Variants in NOS1AP observed in about 807,000 individuals in gnomAD.
NOS1AP encodes the protein carboxyl-terminal PDZ ligand of neuronal nitric oxide synthase protein.
In NOS1AP, 21 loss-of-function variants were observed where a neutral mutation model predicts 56.2. The ratio of observed to expected loss-of-function variants is 0.37; its 90% CI spans 0.26 to 0.54. The LOEUF (loss-of-function observed/expected upper bound fraction) is 0.54, where lower values mean the gene tolerates loss of function less well. Ranked by LOEUF, NOS1AP falls within the 20% of genes least tolerant of loss-of-function variation. The pLI, the probability that NOS1AP is intolerant of heterozygous loss-of-function variation, is 0.84. For missense variants in NOS1AP, 522 were observed against 657.8 expected (o/e 0.79, Z 2.26); for synonymous variants, 270 against 274.6 (o/e 0.98, Z 0.17).
chr1:162,224,907 A>G (rs186306818), intron 2 of NOS1AP, among the ~76,000 whole-genome samples: 1 of 152,330 alleles, frequency 6.6e-6, no homozygotes, highest in East Asian at 1.9e-4. Flanking sequence ...TGAGCAACTC[A>G]GCCAGTAAAA....
At chr1:162,300,735 T>C in intron 4 of NOS1AP, 29 bp downstream of exon 4, 1 of 1,606,150 alleles carries the variant, frequency 6.2e-7, no homozygotes, top group South Asian at 1.1e-5. Flanking sequence ...ACCCAAGATA[T>C]CACTGAGCCC....
At chr1:162,271,997 A>T (rs968874010) in intron 2 of NOS1AP, among the ~76,000 whole-genome samples, 3 of 151,956 alleles carry the variant, frequency 2.0e-5, no homozygotes, top group African/African-American at 7.3e-5. Context: ...CTCCCACCTC[A>T]GCCTCCTGAG....
intron 2 of NOS1AP, among the ~76,000 whole-genome samples, chr1:162,191,202 C>G (rs1167234269): frequency 1.3e-5 from 2 of 152,162 alleles, no homozygotes; most frequent in Non-Finnish European, 2.9e-5. Context: ...CAGTGTGCCC[C>G]ATACCACGGG....
chr1:162,367,298 G>A lies in NOS1AP; in HGVS notation c.1352G>A (p.Gly451Asp). ...PPAQGEALLG[G>D]LELIKFRESG... ...GCGCAGGGCGAGGCGCTCCTGGGCG[G>A]TCTGGAGCTCATCAAGTTCCGAGAG... is the stretch of plus-strand genomic sequence containing the variant. The change falls in exon 10 of 10, where the codon GGT becomes GAT. Residue 451 changes from glycine to aspartate, a missense_variant. Around this residue, in one of 4 missense-constraint regions of NOS1AP, gnomAD observed 160 missense variants for 180.3 expected, o/e 0.89. Coordinates refer to ENST00000361897, the MANE Select transcript of NOS1AP (RefSeq NM_014697.3). The surrounding 1 kb of genome is among the most constrained non-coding windows in gnomAD (Gnocchi z 6.5). The A allele has an allele frequency of 6.2e-7, 1 of 1,613,440 alleles. No individual in the cohort carries two copies. Among genetic ancestry groups the A allele is most frequent in the Non-Finnish European group, 8.5e-7 (1 of 1,179,942 alleles).
At position 162,335,005 on chromosome 1, in the gene NOS1AP, G is replaced by T. The variant is rs967840612; in HGVS notation, c.453+1880G>T. Among the ~76,000 whole-genome samples the T allele has an allele frequency of 2.0e-5, 3 of 146,656 alleles. No individual in the cohort carries two copies. The Admixed American group carries it at 2.1e-4, about 10-fold the overall frequency. ...CTAACATAGCAATACGGACGCAGTG[G>T]GGGCATCCACTTCTGACAAAACCTG... On this transcript the variant is annotated intron_variant, in intron 5 of 9. Transcript: ENST00000361897.
intron 5 of NOS1AP, among the ~76,000 whole-genome samples, chr1:162,335,483 A>G (rs1344186242): frequency 6.6e-6 from 1 of 152,242 alleles, no homozygotes; most frequent in Admixed American, 6.5e-5. Context: ...TACCTTTTTT[A>G]TAAAGCACTT....
chr1:162,320,687 C>G (rs941259920), intron 4 of NOS1AP, among the ~76,000 whole-genome samples: 1 of 152,054 alleles, frequency 6.6e-6, no homozygotes, highest in Non-Finnish European at 1.5e-5. Context: ...AACCCCGTCT[C>G]TACTAAAAAT....
chr1:162,229,693 G>A (rs1375480345), intron 2 of NOS1AP, among the ~76,000 whole-genome samples: 2 of 152,164 alleles, frequency 1.3e-5, no homozygotes, highest in East Asian at 3.9e-4. Context: ...AATGGTAGAA[G>A]ACATAGCCCT....
At chr1:162,333,240 T>G in intron 5 of NOS1AP, 115 bp downstream of exon 5, 1 of 731,742 alleles carries the variant, frequency 1.4e-6, no homozygotes. Flanking sequence ...ATGGGGCAAC[T>G]ATCTCAGTCG....
At chr1:162,350,895 C>A (rs573471459) in intron 6 of NOS1AP, among the ~76,000 whole-genome samples, 17 of 152,202 alleles carry the variant, frequency 1.1e-4, no homozygotes, top group Admixed American at 5.9e-4. Flanking sequence ...TCTGAAAATC[C>A]AAAATCTGAA....
At chr1:162,232,731 A>G (rs1462944764) in intron 2 of NOS1AP, among the ~76,000 whole-genome samples, 1 of 152,194 alleles carries the variant, frequency 6.6e-6, no homozygotes, top group East Asian at 1.9e-4. Flanking sequence ...AATATTAAAA[A>G]AATTTTAAAG....
intron 8 of NOS1AP, among the ~76,000 whole-genome samples, chr1:162,359,364 T>TA (rs1657809308): frequency 6.6e-6 from 1 of 152,196 alleles, no homozygotes. Context: ...TTCTTGAACA[T>TA]ACTCCTGTAC....
At chr1:162,264,433 C>T (rs1396666570) in intron 2 of NOS1AP, among the ~76,000 whole-genome samples, 2 of 4,412 alleles carry the variant, frequency 4.5e-4, no homozygotes, top group Non-Finnish European at 7.2e-4. Context: ...CCCTTCTCTT[C>T]TCTTCTCTTC....
chr1:162,362,068 A>T (rs1657922557), intron 8 of NOS1AP, among the ~76,000 whole-genome samples: 1 of 152,226 alleles, frequency 6.6e-6, no homozygotes, highest in Non-Finnish European at 1.5e-5. Context: ...ACAACTGCCT[A>T]GGGAGTACCC....
At chr1:162,323,231 C>T (rs936088143) in intron 4 of NOS1AP, among the ~76,000 whole-genome samples, 1 of 152,312 alleles carries the variant, frequency 6.6e-6, no homozygotes, top group South Asian at 2.1e-4. Flanking sequence ...ACTAGAGTGA[C>T]GCTGCTGCAA....
intron 2 of NOS1AP, among the ~76,000 whole-genome samples, chr1:162,256,203 G>T (rs1654024323): frequency 6.6e-6 from 1 of 152,112 alleles, no homozygotes; most frequent in Non-Finnish European, 1.5e-5. Flanking sequence ...GCAGACAGGG[G>T]ACAGATAGCA....
At chr1:162,365,220 A>C (rs930457898) in intron 8 of NOS1AP, 184 bp from the exon 9 acceptor site, 101 of 1,458,056 alleles carry the variant, frequency 6.9e-5, no homozygotes, top group Middle Eastern at 4.1e-4. Flanking sequence ...CAGTGAACCC[A>C]CTCCTTTTGG....
At chr1:162,180,678 A>G (rs1008069294) in intron 2 of NOS1AP, among the ~76,000 whole-genome samples, 1 of 152,204 alleles carries the variant, frequency 6.6e-6, no homozygotes, top group African/African-American at 2.4e-5. Flanking sequence ...CCAGCAAGAA[A>G]GTGGAGCCTC....
At position 162,355,341 on chromosome 1, in the gene NOS1AP, C is replaced by T; in HGVS notation, c.750C>T (p.His250=). 1.2e-6 allele frequency: 2 copies of T among 1,614,154 alleles called. No individual in the cohort carries two copies. Among genetic ancestry groups the T allele is most frequent in the South Asian group, 2.2e-5 (2 of 91,076 alleles). The change falls in exon 7 of 10, where the codon CAC becomes CAT. Residue 250 remains histidine (H), a synonymous_variant. Transcript: ENST00000361897. ...LDAVGKEGGS[H]TGSKVSHPQE... is the part of the protein sequence containing the mutation. ...CTGTAGGGAAGGAAGGAGGCTCTCA[C>T]ACAGGCTCCAAGGTAGGCAAGAGAT...
Sources: gnomAD v4.1 joint callset for allele counts (sites outside exome capture counted in the v4.1 genomes callset) on GRCh38, gnomAD v4.1.1 for gene constraint, gnomAD v4.1.1 regional missense constraint, Gnocchi (gnomAD v3.1) non-coding constraint, MANE v1.5 for transcripts, NCBI Gene and HGNC (gene_info 2026-07-23, HGNC 2026-07-21) for gene names.